The following AGO4 variants were observed in gnomAD, a reference collection of about 807,000 sequenced individuals.
AGO4 encodes protein argonaute-4.
AGO4 carries 33 observed loss-of-function variants against 104.7 expected under a neutral mutation model. The observed-to-expected ratio is 0.32, with a 90% CI of 0.24 to 0.42. The LOEUF (loss-of-function observed/expected upper bound fraction) is 0.42. Among genes scored for constraint, AGO4 ranks in the 10% least tolerant of loss-of-function variants. The probability of loss-of-function intolerance (pLI) is 1.00; values close to 1 mark genes in which losing one functional copy is unlikely to be tolerated. For synonymous variants in AGO4, 331 were observed against 364.7 expected (o/e 0.91, Z 1.05); for missense variants, 711 against 1,083.4 (o/e 0.66, Z 4.83).
intron 13 of AGO4, among the ~76,000 whole-genome samples, chr1:35,839,742 C>CT (rs1644394835): frequency 6.6e-6 from 1 of 152,022 alleles, no homozygotes; most frequent in Admixed American, 6.6e-5. Flanking sequence ...CCCATGGGAC[C>CT]TTACCTTTAG....
rs181662005 is a variant in AGO4 at position 35,854,571 on chromosome 1, G to T, written c.*966G>T. The T allele has an allele frequency of 6.5e-6, 1 of 152,712 alleles. No individual in the cohort carries two copies. The highest frequency in any genetic ancestry group is 1.9e-4 in the East Asian group (1 of 5,192). The allele number at this position is 152,712 out of a possible 1,614,324, so 9.5% of individuals were successfully genotyped here. On this transcript the variant is annotated 3_prime_UTR_variant, in exon 18 of 18. Coordinates refer to ENST00000373210, the MANE Select transcript of AGO4 (RefSeq NM_017629.4). Reference sequence around the variant, plus strand: ...ATGAGATTTCAGTATGATTTTATCAGCTATTTCTTATATATCATAATCTGG... The same window carrying T: ...ATGAGATTTCAGTATGATTTTATCATCTATTTCTTATATATCATAATCTGG...
chr1:35,827,991 C>T (rs114639367), intron 7 of AGO4, among the ~76,000 whole-genome samples: 1,855 of 151,492 alleles, frequency 0.012, 17 homozygotes, highest in Non-Finnish European at 0.015. Context: ...ACAGTTTGCC[C>T]GCCTCGGCCT....
chr1:35,824,320 A>G, intron 3 of AGO4, among the ~76,000 whole-genome samples: 1 of 151,988 alleles, frequency 6.6e-6, no homozygotes, highest in East Asian at 1.9e-4. Flanking sequence ...TGTTATGTAT[A>G]TTAGCTGCTA....
At chr1:35,842,559 T>C (rs2148679744) in intron 15 of AGO4, among the ~76,000 whole-genome samples, 1 of 152,326 alleles carries the variant, frequency 6.6e-6, no homozygotes, top group South Asian at 2.1e-4. Flanking sequence ...TCCCAGCACT[T>C]TGGGAGGCTG....
At chr1:35,809,991 G>T (rs763678502) in intron 1 of AGO4, among the ~76,000 whole-genome samples, 3 of 151,996 alleles carry the variant, frequency 2.0e-5, no homozygotes, top group Non-Finnish European at 2.9e-5. Flanking sequence ...TCATGGAAAG[G>T]ATCAACCTGG....
chr1:35,829,694 GGGCATGGTGGCA>G (rs1457371109), intron 7 of AGO4, among the ~76,000 whole-genome samples: 8 of 151,724 alleles, frequency 5.3e-5, no homozygotes, highest in African/African-American at 1.5e-4. Flanking sequence ...AAAATTAGCT[GGGCATGGTGGCA>G]GGCATGGTGG....
At chr1:35,824,932 A>G (rs527409325) in intron 3 of AGO4, among the ~76,000 whole-genome samples, 1 of 152,322 alleles carries the variant, frequency 6.6e-6, no homozygotes, top group Non-Finnish European at 1.5e-5. Flanking sequence ...CTATTAAACA[A>G]TAATTCCCCA....
At chr1:35,822,816 T>C (rs1643915998) in intron 2 of AGO4, 46 bp from the exon 3 acceptor site, 1 of 1,609,118 alleles carries the variant, frequency 6.2e-7, no homozygotes. Context: ...TTCTTACTGT[T>C]CACCATTTCT....
chr1:35,842,984 A>C (rs372458766), intron 15 of AGO4, among the ~76,000 whole-genome samples: 3 of 152,098 alleles, frequency 2.0e-5, no homozygotes, highest in African/African-American at 7.2e-5. Flanking sequence ...CTGTTGCCTA[A>C]TCATGTAATC....
intron 17 of AGO4, chr1:35,851,295 C>G: frequency 1.9e-6 from 1 of 520,076 alleles, no homozygotes; most frequent in Non-Finnish European, 3.4e-6. Context: ...TGTGGTTCTC[C>G]CATGGAGCCA....
intron 2 of AGO4, among the ~76,000 whole-genome samples, chr1:35,820,507 A>G (rs1332179965): frequency 6.6e-6 from 1 of 151,858 alleles, no homozygotes; most frequent in Non-Finnish European, 1.5e-5. Context: ...ACAGGCATGC[A>G]CCACCACACC....
chr1:35,817,108 A>G, intron 2 of AGO4, 61 bp downstream of exon 2: 1 of 1,450,536 alleles, frequency 6.9e-7, no homozygotes, highest in South Asian at 1.4e-5. Context: ...TTTATGTATC[A>G]TATTGTTCTC....
chr1:35,852,475 A>G (rs1026194753), intron 17 of AGO4, among the ~76,000 whole-genome samples: 5 of 152,214 alleles, frequency 3.3e-5, no homozygotes, highest in African/African-American at 9.6e-5. Context: ...GTCCAAGGTT[A>G]TATAGTTAGT....
chr1:35,853,778 T>A lies in AGO4; in HGVS notation c.*173T>A, dbSNP rs1644761495. The A allele has an allele frequency of 9.8e-6, 5 of 507,834 alleles. No homozygotes were observed. In the East Asian group the frequency reaches 1.6e-4, roughly 17 times the overall value. 31.5% of individuals were successfully genotyped at this position (507,834 alleles called of 1,614,324 possible). On this transcript the variant is annotated 3_prime_UTR_variant, in exon 18 of 18. Coordinates refer to ENST00000373210, the MANE Select transcript of AGO4 (RefSeq NM_017629.4). ...AGCACTGTCTGATGCGTCAACAAAA[T>A]TGAGCCATTTTTTTAAAGTAATAGA...
intron 1 of AGO4, among the ~76,000 whole-genome samples, chr1:35,813,809 G>C (rs1166273736): frequency 1.3e-5 from 2 of 151,146 alleles, no homozygotes; most frequent in African/African-American, 2.4e-5. Context: ...AAGGAAGGAA[G>C]AAGGAAGAAG....
Position 35,825,913 on chromosome 1 carries a change from C to T in AGO4, c.626-13C>T, listed in dbSNP as rs756815529. On this transcript the variant is annotated splice_polypyrimidine_tract_variant and intron_variant, in intron 5 of 17. Transcript: ENST00000373210. ...CTTTTCCCTGAAGTGAAGTATCCTTCTCTGTTTGTTAGTATCTGCAACTGC... is the reference window on the plus strand; with the variant it reads ...CTTTTCCCTGAAGTGAAGTATCCTTTTCTGTTTGTTAGTATCTGCAACTGC... The T allele has an allele frequency of 3.7e-6, 6 of 1,613,224 alleles. No individual in the cohort carries two copies. The East Asian group carries it at 6.7e-5, about 18-fold the overall frequency.
chr1:35,832,292 C>T, intron 10 of AGO4, 107 bp downstream of exon 10: 2 of 1,536,530 alleles, frequency 1.3e-6, no homozygotes, highest in Non-Finnish European at 1.7e-6. Flanking sequence ...TAGTTTTGTT[C>T]ATTATTGCCT....
chr1:35,809,225 T>G (rs544223783), intron 1 of AGO4, among the ~76,000 whole-genome samples: 1 of 152,302 alleles, frequency 6.6e-6, no homozygotes, highest in African/African-American at 2.4e-5. Context: ...GTTATTTCTC[T>G]CTATCCAAAC....
intron 11 of AGO4, 109 bp from the exon 12 acceptor site, chr1:35,833,880 TA>T: frequency 2.0e-6 from 2 of 994,114 alleles, no homozygotes; most frequent in Non-Finnish European, 2.7e-6. Context: ...TACTTGTTTC[TA>T]AATTTGGCTA....
Sources: allele counts gnomAD v4.1 joint callset (sites outside exome capture counted in the v4.1 genomes callset), GRCh38; gene constraint gnomAD v4.1.1; transcripts MANE v1.5; gene names NCBI Gene and HGNC (gene_info 2026-07-23, HGNC 2026-07-21).